RGS7: variants seen among roughly 807,000 people sequenced by gnomAD.
RGS7 encodes the protein regulator of G-protein signaling 7.
RGS7 carries 27 observed loss-of-function variants against 81.1 expected under a neutral mutation model. That is an observed-to-expected ratio of 0.33 (90% confidence interval 0.25 to 0.46). RGS7 has a LOEUF of 0.46. RGS7 is among the 20% of genes least tolerant of loss of function. The pLI is 1.00. For missense variants in RGS7, 396 were observed against 607.4 expected (o/e 0.65, Z 3.66); for synonymous variants, 208 against 207.7 (o/e 1.00, Z -0.01).
At chr1:241,313,407 T>G (rs2080669701) in intron 2 of RGS7, among the ~76,000 whole-genome samples, 2 of 152,186 alleles carry the variant, frequency 1.3e-5, no homozygotes, top group East Asian at 1.9e-4. Context: ...GACTTTAAGT[T>G]TATGCCAATG....
At chr1:240,787,785 C>T (rs369918860) in intron 18 of RGS7, among the ~76,000 whole-genome samples, 9 of 151,980 alleles carry the variant, frequency 5.9e-5, no homozygotes, top group African/African-American at 1.2e-4. Flanking sequence ...AAACAATGAA[C>T]GAAGAAACCT....
At chr1:241,302,530 C>A (rs1373914913) in intron 2 of RGS7, among the ~76,000 whole-genome samples, 1 of 152,124 alleles carries the variant, frequency 6.6e-6, no homozygotes, top group Non-Finnish European at 1.5e-5. Flanking sequence ...GCCTGGGCAA[C>A]AGAGCGAGAC....
At chr1:241,104,683 T>C (rs1197126187) in intron 2 of RGS7, among the ~76,000 whole-genome samples, 1 of 152,226 alleles carries the variant, frequency 6.6e-6, no homozygotes, top group Non-Finnish European at 1.5e-5. Flanking sequence ...TAAACAAGTG[T>C]ATTTTACAAA....
At chr1:241,003,561 G>A (rs2058530301) in intron 3 of RGS7, among the ~76,000 whole-genome samples, 1 of 151,678 alleles carries the variant, frequency 6.6e-6, no homozygotes, top group African/African-American at 2.4e-5. Context: ...ACTATCAGAA[G>A]AGGACTTGGT....
chr1:241,345,435 A>G (rs1219654745), intron 2 of RGS7, among the ~76,000 whole-genome samples: 1 of 152,216 alleles, frequency 6.6e-6, no homozygotes, highest in Non-Finnish European at 1.5e-5. Flanking sequence ...ATGATACTGT[A>G]TTGAAAACTA....
At chr1:240,930,792 C>T (rs373738512) in intron 5 of RGS7, 24 bp from the exon 6 acceptor site, 2 of 1,612,230 alleles carry the variant, frequency 1.2e-6, no homozygotes, top group Non-Finnish European at 1.7e-6. Context: ...AGAAGTGGAA[C>T]CCAGATTAGA....
chr1:241,286,269 C>G (rs1422532434), intron 2 of RGS7, among the ~76,000 whole-genome samples: 2 of 152,176 alleles, frequency 1.3e-5, no homozygotes, highest in Non-Finnish European at 2.9e-5. Flanking sequence ...GATAAGAGAA[C>G]TAAGTGACTT....
At chr1:240,958,608 T>C (rs1227372513) in intron 4 of RGS7, among the ~76,000 whole-genome samples, 1 of 152,208 alleles carries the variant, frequency 6.6e-6, no homozygotes, top group Non-Finnish European at 1.5e-5. Flanking sequence ...AAACTGCTCC[T>C]CTGAACTCAC....
At chr1:241,300,538 G>A (rs1004378867) in intron 2 of RGS7, among the ~76,000 whole-genome samples, 1 of 152,202 alleles carries the variant, frequency 6.6e-6, no homozygotes, top group Admixed American at 6.5e-5. Context: ...TTTTCAGATA[G>A]ACTTCTTTCA....
At chr1:241,312,970 G>A (rs2080640035) in intron 2 of RGS7, among the ~76,000 whole-genome samples, 1 of 152,042 alleles carries the variant, frequency 6.6e-6, no homozygotes, top group Admixed American at 6.5e-5. Context: ...GAAAGTTTTT[G>A]TGGTCTGGAT....
intron 2 of RGS7, among the ~76,000 whole-genome samples, chr1:241,275,343 A>C (rs561116730): frequency 1.3e-5 from 2 of 152,228 alleles, no homozygotes; most frequent in Non-Finnish European, 2.9e-5. Context: ...CTCCGAGGAA[A>C]GGTAATATTT....
chr1:240,837,766 C>A (rs1694954083), intron 9 of RGS7, among the ~76,000 whole-genome samples: 1 of 152,154 alleles, frequency 6.6e-6, no homozygotes, highest in South Asian at 2.1e-4. Flanking sequence ...TATTTTTTTA[C>A]ACAGTGCTAT....
chr1:241,203,658 T>C (rs1050126038), intron 2 of RGS7, among the ~76,000 whole-genome samples: 1 of 152,212 alleles, frequency 6.6e-6, no homozygotes, highest in Non-Finnish European at 1.5e-5. Flanking sequence ...ATCCTATGGC[T>C]TGAAATTAAG....
chr1:240,789,681 T>G (rs1358469711), intron 18 of RGS7, among the ~76,000 whole-genome samples: 2 of 152,164 alleles, frequency 1.3e-5, no homozygotes, highest in East Asian at 3.9e-4. Flanking sequence ...GCCTAATAAA[T>G]TTTGGTCAGA....
intron 2 of RGS7, among the ~76,000 whole-genome samples, chr1:241,337,226 C>T (rs2082291547): frequency 6.6e-6 from 1 of 152,102 alleles, no homozygotes; most frequent in Admixed American, 6.6e-5. Context: ...TTCCACCATT[C>T]TGTACTCCAT....
At chr1:241,310,388 CGT>C (rs1020224808) in intron 2 of RGS7, among the ~76,000 whole-genome samples, 22 of 150,386 alleles carry the variant, frequency 1.5e-4, no homozygotes, top group Admixed American at 5.3e-4. Context: ...TATGAGTGTG[CGT>C]GTGAGTGTGT....
intron 2 of RGS7, among the ~76,000 whole-genome samples, chr1:241,199,322 G>A (rs779260467): frequency 1.3e-5 from 2 of 152,016 alleles, no homozygotes; most frequent in Non-Finnish European, 2.9e-5. Context: ...GCTGGGTGTG[G>A]TGGCATGCCT....
chr1:240,942,524 C>G (rs1251430553), intron 4 of RGS7, among the ~76,000 whole-genome samples: 1 of 152,124 alleles, frequency 6.6e-6, no homozygotes. Context: ...GTTATTTACT[C>G]TTATTTATGT....
intron 4 of RGS7, among the ~76,000 whole-genome samples, chr1:240,945,535 T>C (rs1678459069): frequency 6.6e-6 from 1 of 152,250 alleles, no homozygotes; most frequent in Non-Finnish European, 1.5e-5. Context: ...AGCAATATAG[T>C]CTTCTCATAA....
Sources: gnomAD v4.1 joint callset for allele counts (sites outside exome capture counted in the v4.1 genomes callset) on GRCh38, gnomAD v4.1.1 for gene constraint, MANE v1.5 for transcripts, NCBI Gene and HGNC (gene_info 2026-07-23, HGNC 2026-07-21) for gene names.